ITGA11: variants seen among roughly 807,000 people sequenced by gnomAD.
The protein encoded by ITGA11 is integrin alpha-11.
In ITGA11, 97 loss-of-function variants were observed where a neutral mutation model predicts 141.9. The ratio of observed to expected loss-of-function variants is 0.68; its 90% CI spans 0.58 to 0.81. The LOEUF (loss-of-function observed/expected upper bound fraction) is 0.81. Ranked by LOEUF, ITGA11 falls within the 30% of genes least tolerant of loss-of-function variation. ITGA11 has a pLI of 0.00. For missense variants in ITGA11, 1,387 were observed against 1,559.2 expected, an observed-to-expected ratio of 0.89 and a Z score of 1.86; for synonymous variants, 658 against 624.6, an observed-to-expected ratio of 1.05 and a Z score of -0.80.
At chr15:68,331,577 G>C (rs550646820) in intron 14 of ITGA11, among the ~76,000 whole-genome samples, 1 of 151,726 alleles carries the variant, frequency 6.6e-6, no homozygotes, top group South Asian at 2.1e-4. Context: ...GTCTCGGGGG[G>C]AGTGAGGGTC....
intron 2 of ITGA11, among the ~76,000 whole-genome samples, chr15:68,382,591 T>C (rs1895890211): frequency 6.6e-6 from 1 of 152,220 alleles, no homozygotes; most frequent in African/African-American, 2.4e-5. Context: ...TGCCAACCCC[T>C]GAAGAGGCCA....
intron 21 of ITGA11, among the ~76,000 whole-genome samples, chr15:68,316,253 G>T (rs544230910): frequency 3.9e-5 from 6 of 152,352 alleles, no homozygotes; most frequent in South Asian, 4.1e-4. Context: ...TCCGCCCCTT[G>T]TCTGGCAGCG....
At chr15:68,382,520 C>A (rs927717711) in intron 2 of ITGA11, among the ~76,000 whole-genome samples, 1 of 152,242 alleles carries the variant, frequency 6.6e-6, no homozygotes, top group Non-Finnish European at 1.5e-5. Context: ...TACCTTGGGT[C>A]ACATCCAGAC....
At chr15:68,346,086 G>T (rs1894734499) in intron 10 of ITGA11, among the ~76,000 whole-genome samples, 1 of 138,928 alleles carries the variant, frequency 7.2e-6, no homozygotes, top group African/African-American at 2.7e-5. Context: ...AGGGTATGAG[G>T]AAGAGTCAAG....
At chr15:68,422,480 G>A (rs1489395617) in intron 1 of ITGA11, among the ~76,000 whole-genome samples, 3 of 151,978 alleles carry the variant, frequency 2.0e-5, no homozygotes, top group South Asian at 2.1e-4. Context: ...TTGCTGGGTC[G>A]CTGCAGTAGC....
At chr15:68,420,936 G>T (rs1327905011) in intron 1 of ITGA11, among the ~76,000 whole-genome samples, 1 of 152,232 alleles carries the variant, frequency 6.6e-6, no homozygotes, top group Admixed American at 6.5e-5. Flanking sequence ...ATGCATGCAG[G>T]GGGGTTGAAT....
intron 7 of ITGA11, among the ~76,000 whole-genome samples, chr15:68,355,172 C>A (rs116922386): frequency 0.013 from 1,969 of 152,294 alleles, 9 homozygotes; most frequent in Non-Finnish European, 0.022. Context: ...GCCTCCCTTA[C>A]CCAAGCCATT....
intron 20 of ITGA11, among the ~76,000 whole-genome samples, chr15:68,318,751 G>A (rs1037200106): frequency 1.4e-4 from 22 of 152,082 alleles, no homozygotes; most frequent in Non-Finnish European, 2.8e-4. Context: ...GGGGAGGGGT[G>A]CTGGGCAGTG....
At chr15:68,383,360 C>A (rs1895908896) in intron 2 of ITGA11, among the ~76,000 whole-genome samples, 1 of 151,860 alleles carries the variant, frequency 6.6e-6, no homozygotes, top group African/African-American at 2.4e-5. Flanking sequence ...GGTATTTTAT[C>A]CAAGCCTGCA....
chr15:68,401,166 C>A (rs1896499562), intron 2 of ITGA11, among the ~76,000 whole-genome samples: 1 of 151,066 alleles, frequency 6.6e-6, no homozygotes, highest in Admixed American at 6.7e-5. Context: ...GATACCACCA[C>A]ACACAACTAG....
At chr15:68,368,582 C>T (rs1281828512) in intron 3 of ITGA11, among the ~76,000 whole-genome samples, 1 of 152,204 alleles carries the variant, frequency 6.6e-6, no homozygotes, top group Non-Finnish European at 1.5e-5. Flanking sequence ...GAAAAGCTTG[C>T]ATTTCCGAAG....
chr15:68,427,041 A>AG (rs1566947057), intron 1 of ITGA11, among the ~76,000 whole-genome samples: 1 of 126,328 alleles, frequency 7.9e-6, no homozygotes, highest in Admixed American at 8.0e-5. Flanking sequence ...AAAAAAAAAA[A>AG]GGCAGTGGCC....
intron 10 of ITGA11, among the ~76,000 whole-genome samples, chr15:68,340,529 A>G (rs1209817001): frequency 1.3e-5 from 2 of 152,174 alleles, no homozygotes; most frequent in African/African-American, 4.8e-5. Flanking sequence ...ATGAGGCTGG[A>G]CAGATAAGCC....
intron 2 of ITGA11, among the ~76,000 whole-genome samples, chr15:68,393,188 G>A (rs112924494): frequency 1.3e-5 from 2 of 152,234 alleles, no homozygotes; most frequent in African/African-American, 4.8e-5. Context: ...CTAAATTGTA[G>A]CACAGCAAGA....
intron 2 of ITGA11, among the ~76,000 whole-genome samples, chr15:68,387,167 A>G (rs989740944): frequency 3.9e-5 from 6 of 152,010 alleles, no homozygotes; most frequent in Admixed American, 2.6e-4. Flanking sequence ...GAGAGAGGGA[A>G]GGGGCCTCTG....
intron 1 of ITGA11, among the ~76,000 whole-genome samples, chr15:68,406,659 T>A (rs1896657321): frequency 6.6e-6 from 1 of 152,202 alleles, no homozygotes; most frequent in Admixed American, 6.5e-5. Flanking sequence ...AGTCTCTAAG[T>A]GCCACGGGAC....
intron 1 of ITGA11, among the ~76,000 whole-genome samples, chr15:68,431,548 G>C (rs573102731): frequency 6.6e-6 from 1 of 152,228 alleles, no homozygotes; most frequent in East Asian, 1.9e-4. Flanking sequence ...CGCCGCGCCC[G>C]GCTCTCCAAA....
At chr15:68,391,110 C>T (rs528303714) in intron 2 of ITGA11, among the ~76,000 whole-genome samples, 7 of 151,896 alleles carry the variant, frequency 4.6e-5, no homozygotes, top group Non-Finnish European at 8.8e-5. Context: ...GAGGGGAAAG[C>T]CAAGTAGGAT....
Position 68,299,672 on chromosome 15 carries a change from T to A in ITGA11, c.*3387A>T, listed in dbSNP as rs1892982829. The A allele has an allele frequency of 6.6e-6, 1 of 152,188 alleles. No individual in the cohort carries two copies. The highest frequency in any genetic ancestry group is 1.5e-5 in the Non-Finnish European group (1 of 68,046). The allele number at this position is 152,188 out of a possible 1,614,324, so 9.4% of individuals were successfully genotyped here. A position where few individuals can be genotyped will look rare whatever the true frequency, so the allele number is the denominator to read the frequency against. ...GCCAGCGGTCTCCATTAGAGGCTGC[T>A]TGGCATCCTGGGATTGAAGCCAGGG... On this transcript the variant is annotated 3_prime_UTR_variant, in exon 30 of 30. Transcript: ENST00000315757.
Sources: gnomAD v4.1 joint callset for allele counts (sites outside exome capture counted in the v4.1 genomes callset) on GRCh38, gnomAD v4.1.1 for gene constraint, MANE v1.5 for transcripts, NCBI Gene and HGNC (gene_info 2026-07-23, HGNC 2026-07-21) for gene names.